Variants in PMPCB observed in about 807,000 individuals in gnomAD.
The protein encoded by PMPCB is mitochondrial-processing peptidase subunit beta.
PMPCB carries 46 observed loss-of-function variants against 61.5 expected under a neutral mutation model. That is an observed-to-expected ratio of 0.75 (90% CI 0.59 to 0.96). The LOEUF (loss-of-function observed/expected upper bound fraction) is 0.96, where lower values mean the gene tolerates loss of function less well. Ranked by LOEUF, PMPCB falls within the 40% of genes least tolerant of loss-of-function variation. The probability of loss-of-function intolerance (pLI) is 0.00; values close to 1 mark genes in which losing one functional copy is unlikely to be tolerated. For synonymous variants in PMPCB, 191 were observed against 201.6 expected (o/e 0.95, Z 0.44); for missense variants, 590 against 602.4 (o/e 0.98, Z 0.22).
At chr7:103,323,016 G>A (rs12705115) in intron 12 of PMPCB, among the ~76,000 whole-genome samples, 87,428 of 151,460 alleles carry the variant, frequency 0.58, 27,381 homozygotes, top group Middle Eastern at 0.78. Context: ...TGCAACCTCT[G>A]CCTCCCAGGT....
At chr7:103,337,815 G>GA in the PMPCB span, 66 of 1,604,990 alleles carry the variant, frequency 4.1e-5, no homozygotes, top group African/African-American at 6.7e-5. Flanking sequence ...CTTGGTTCTG[G>GA]AAAAAAAACA....
chr7:103,324,865 G>C (rs997151004), intron 12 of PMPCB: 1 of 175,944 alleles, frequency 5.7e-6, no homozygotes, highest in African/African-American at 2.4e-5. Context: ...AGGCAGGCTA[G>C]AAAAAATGGC....
At chr7:103,341,759 A>C in the PMPCB span, 1 of 1,547,622 alleles carries the variant, frequency 6.5e-7, no homozygotes, top group East Asian at 2.3e-5. Flanking sequence ...TCAGATATTA[A>C]ATACCTTCCA....
intron 12 of PMPCB, chr7:103,327,414 G>A (rs1317045474): frequency 1.1e-5 from 11 of 967,812 alleles, no homozygotes; most frequent in Non-Finnish European, 1.7e-5. Context: ...TAGGTTTGGG[G>A]CAGGGCCTGA....
intron 4 of PMPCB, among the ~76,000 whole-genome samples, chr7:103,303,553 A>G (rs1817503888): frequency 2.6e-5 from 4 of 152,308 alleles, no homozygotes; most frequent in Admixed American, 2.6e-4. Context: ...ATATAGAACA[A>G]TCTATATTAA....
the PMPCB span, among the ~76,000 whole-genome samples, chr7:103,338,845 G>T: frequency 7.2e-5 from 11 of 152,040 alleles, no homozygotes; most frequent in African/African-American, 2.7e-4. Context: ...GGGAGGCGGA[G>T]GTTGCAGTGG....
At position 103,313,641 on chromosome 7, in the gene PMPCB, G is replaced by T; in HGVS notation, c.*1370G>T. 1 of 985,416 alleles carries T rather than the reference G, an allele frequency of 1.0e-6. No homozygotes were observed. The highest frequency in any genetic ancestry group is 1.2e-6 in the Non-Finnish European group (1 of 829,906). 61.0% of individuals were successfully genotyped at this position (985,416 alleles called of 1,614,324 possible). ...TGGAGAGGCAAGCTGAGATTAGATT[G>T]TGTTGTAGTGTGGTGTTCTCTTCGT... On this transcript the variant is annotated 3_prime_UTR_variant, in exon 13 of 13. Coordinates refer to ENST00000249269, the MANE Select transcript of PMPCB (RefSeq NM_004279.3).
chr7:103,347,146 T>C, the PMPCB span, among the ~76,000 whole-genome samples: 1 of 152,248 alleles, frequency 6.6e-6, no homozygotes. Context: ...TTCCATTTTA[T>C]CCAGCAGCAC....
chr7:103,326,681 TA>T, intron 12 of PMPCB: 2 of 1,599,054 alleles, frequency 1.3e-6, no homozygotes, highest in Non-Finnish European at 1.7e-6. Context: ...TAACATTTCA[TA>T]AGCTGAGAAA....
chr7:103,310,635 T>C (rs1817714298), intron 9 of PMPCB, 160 bp downstream of exon 9: 3 of 494,798 alleles, frequency 6.1e-6, no homozygotes, highest in Middle Eastern at 5.4e-4. Flanking sequence ...AGTTGGTTTT[T>C]CCTAAGTCTC....
At chr7:103,330,246 A>G (rs1818909709), downstream of PMPCB, among the ~76,000 whole-genome samples, 1 of 152,098 alleles carries the variant, frequency 6.6e-6, no homozygotes, top group African/African-American at 2.4e-5. Context: ...GTGTTCATGA[A>G]CACTATTATT....
chr7:103,326,810 G>A (rs1204589740), intron 12 of PMPCB: 1 of 915,780 alleles, frequency 1.1e-6, no homozygotes, highest in African/African-American at 1.7e-5. Context: ...TTTGTTTGCA[G>A]GTTGGGGAGG....
chr7:103,344,722 C>T, the PMPCB span: 1 of 1,296,988 alleles, frequency 7.7e-7, no homozygotes, highest in Non-Finnish European at 1.1e-6. Context: ...GAGCCTCGCG[C>T]CTTGGCTCTA....
rs763408612 is a variant in PMPCB, at chr7:103,307,723, C to G, written c.849+15C>G. 9 of 1,400,736 alleles carry G rather than the reference C, an allele frequency of 6.4e-6. No individual in the cohort carries two copies. The Admixed American group carries it at 1.5e-4, about 23-fold the overall frequency. The allele number at this position is 1,400,736 out of a possible 1,614,324, so 86.8% of individuals were successfully genotyped here. ...CAGGAAGTGAGGTAGGGCAAGCCTT[C>G]CAGCTAGTATTTAGCCTTTTGGATT... On this transcript the variant is annotated intron_variant, in intron 7 of 12. Coordinates refer to ENST00000249269, the MANE Select transcript of PMPCB (RefSeq NM_004279.3).
In PMPCB at chr7:103,300,193, T is replaced by A; in HGVS notation, c.343T>A (p.Ser115Thr). ...TTATTTCAAGGGCACCAAGAAGAGA[T>A]CCCAGTTAGATCTGGAACTTGAGAT... is the stretch of plus-strand genomic sequence containing the variant. ...HMAFKGTKKR[S>T]QLDLELEIEN... Residue 115 changes from serine to threonine, a missense_variant, in exon 4 of 13, where the codon TCC (serine) becomes ACC (threonine). Transcript: ENST00000249269. 1 of 1,611,900 alleles carries A rather than the reference T, an allele frequency of 6.2e-7. No individual in the cohort carries two copies. Among genetic ancestry groups the A allele is most frequent in the Non-Finnish European group, 8.5e-7 (1 of 1,179,126 alleles).
chr7:103,344,512 C>T, the PMPCB span: 1 of 1,607,594 alleles, frequency 6.2e-7, no homozygotes, highest in Non-Finnish European at 8.5e-7. Flanking sequence ...AGGACTGAGG[C>T]AGGGGCAGCT....
the PMPCB span, among the ~76,000 whole-genome samples, chr7:103,343,597 T>C: frequency 6.6e-6 from 1 of 152,144 alleles, no homozygotes; most frequent in African/African-American, 2.4e-5. Flanking sequence ...CCACAGAAAC[T>C]CTCTGAAATT....
intron 4 of PMPCB, among the ~76,000 whole-genome samples, chr7:103,301,500 A>G (rs1364911787): frequency 6.6e-6 from 1 of 152,212 alleles, no homozygotes; most frequent in Non-Finnish European, 1.5e-5. Context: ...ACACAGAACA[A>G]CAGGGAAGGC....
chr7:103,316,113 T>C (rs1319561258), downstream of PMPCB: 1 of 1,432,742 alleles, frequency 7.0e-7, no homozygotes, highest in Non-Finnish European at 9.5e-7. Flanking sequence ...TATACAATAA[T>C]ATGAATAGTA....
Sources: allele counts gnomAD v4.1 joint callset (sites outside exome capture counted in the v4.1 genomes callset), GRCh38; gene constraint gnomAD v4.1.1; transcripts MANE v1.5; gene names NCBI Gene and HGNC (gene_info 2026-07-23, HGNC 2026-07-21).